The following PCDHGB6 variants were observed in gnomAD, a reference collection of about 807,000 sequenced individuals.
The protein encoded by PCDHGB6 is protocadherin gamma subfamily B, 6, also known as protocadherin gamma-B6.
PCDHGB6 carries 51 observed loss-of-function variants against 59.1 expected under a neutral mutation model. The ratio of observed to expected loss-of-function variants is 0.86; its 90% CI spans 0.69 to 1.09. The LOEUF (loss-of-function observed/expected upper bound fraction) is 1.09, where lower values mean the gene tolerates loss of function less well. Among genes scored for constraint, PCDHGB6 ranks in the 50% least tolerant of loss-of-function variants. PCDHGB6 has a pLI of 0.00. For missense variants in PCDHGB6, 1,148 were observed against 1,205.1 expected, an observed-to-expected ratio of 0.95 and a Z score of 0.70; for synonymous variants, 466 against 495.1, an observed-to-expected ratio of 0.94 and a Z score of 0.78.
At chr5:141,467,932 TA>T (rs1391978978) in intron 1 of PCDHGB6, among the ~76,000 whole-genome samples, 4 of 152,186 alleles carry the variant, frequency 2.6e-5, no homozygotes, top group Non-Finnish European at 4.4e-5. Flanking sequence ...ATGCTAGGAT[TA>T]CAAGCATGAG....
At chr5:141,417,648 T>A in intron 1 of PCDHGB6, 5 of 818,672 alleles carry the variant, frequency 6.1e-6, no homozygotes, top group Non-Finnish European at 9.1e-6. Flanking sequence ...TCCCTCAGCC[T>A]CTAGCCTGGG....
rs1248646625 is a variant in PCDHGB6 at position 141,409,149 on chromosome 5, C to T, written c.947C>T (p.Thr316Ile). Residue 316 changes from threonine to isoleucine, a missense_variant, in exon 1 of 4, where the codon ACC (threonine) becomes ATC (isoleucine). Thr to Ile is a moderately conservative substitution (Grantham distance 89). This residue lies in a region of PCDHGB6 where 549 missense variants were observed against 527.5 expected (regional missense o/e 1.04). Transcript: ENST00000520790. ...GATTTTGAAGATGTAGAAAGGTACA[C>T]CATGGAAGTGGAAGCGAAGGACGGA... ...SFDFEDVERY[T>I]MEVEAKDGGG... 1 of 1,613,948 alleles carries T rather than the reference C, an allele frequency of 6.2e-7. No homozygotes were observed. The highest frequency in any genetic ancestry group is 8.5e-7 in the Non-Finnish European group (1 of 1,179,888).
chr5:141,428,367 G>C, intron 1 of PCDHGB6: 1 of 546,792 alleles, frequency 1.8e-6, no homozygotes, highest in South Asian at 1.9e-5. Context: ...CGGTCGCCTT[G>C]CACCTGCGAT....
intron 1 of PCDHGB6, among the ~76,000 whole-genome samples, chr5:141,425,694 A>G (rs1006103007): frequency 6.6e-6 from 1 of 152,240 alleles, no homozygotes; most frequent in Non-Finnish European, 1.5e-5. Context: ...ATATCATTTC[A>G]TAGTGGTCAA....
At position 141,450,006 on chromosome 5, in the gene PCDHGB6, C is replaced by CTTTTT. The variant is rs1554136305; in HGVS notation, c.2418+39400_2418+39404dup. ...CACATTGCATTTAGTTGCCATGTCTCTTTTTTTTTTTTTTTTTTGAGACAG... is the reference window on the plus strand; with the variant it reads ...CACATTGCATTTAGTTGCCATGTCTCTTTTTTTTTTTTTTTTTTTTTTTGAGACAG... On this transcript the variant is annotated intron_variant, in intron 1 of 3. Transcript: ENST00000520790. Among the ~76,000 whole-genome samples the CTTTTT allele has an allele frequency of 3.4e-4, 45 of 132,908 alleles. 3 individuals carry two copies. Among genetic ancestry groups the CTTTTT allele is most frequent in the South Asian group, 7.1e-4 (3 of 4,236 alleles). 87.2% of individuals were successfully genotyped at this position (132,908 alleles called of 152,430 possible).
intron 1 of PCDHGB6, chr5:141,428,219 T>C (rs749413221): frequency 8.4e-7 from 1 of 1,195,778 alleles, no homozygotes. Context: ...CACCTAGTCT[T>C]CGCAGACAGC....
chr5:141,474,417 C>A (rs1321402346), intron 1 of PCDHGB6, among the ~76,000 whole-genome samples: 1 of 152,222 alleles, frequency 6.6e-6, no homozygotes, highest in African/African-American at 2.4e-5. Context: ...GATGCCTAGA[C>A]CATTGGTCCT....
intron 1 of PCDHGB6, chr5:141,413,354 C>T: frequency 6.2e-7 from 1 of 1,613,974 alleles, no homozygotes; most frequent in South Asian, 1.1e-5. Flanking sequence ...GGTCTGGCGC[C>T]CCGGGAGCTG....
intron 1 of PCDHGB6, chr5:141,423,723 T>C: frequency 8.5e-7 from 1 of 1,174,478 alleles, no homozygotes; most frequent in Non-Finnish European, 1.1e-6. Context: ...TAAGGAGATG[T>C]TTTTTGAGCC....
chr5:141,432,763 C>T lies in PCDHGB6; in HGVS notation c.2418+22143C>T. The T allele has an allele frequency of 6.2e-7, 1 of 1,614,152 alleles. No homozygotes were observed. The highest frequency in any genetic ancestry group is 8.5e-7 in the Non-Finnish European group (1 of 1,180,004). ...TCACCGTGGCCGTGGCCGACAGCAT[C>T]CCCCAAGTCCTGGCGGACCTCGGCA... On this transcript the variant is annotated intron_variant, in intron 1 of 3. Transcript: ENST00000520790. This position sits in a 1 kb window ranked among gnomAD's most constrained non-coding sequence, Gnocchi z 6.0.
chr5:141,505,381 C>T lies in PCDHGB6; in HGVS notation c.2478-12C>T. On this transcript the variant is annotated splice_polypyrimidine_tract_variant and intron_variant, in intron 2 of 3. Transcript: ENST00000520790. Reference sequence around the variant, plus strand: ...CTGGGAGTCTGTGCTCACCATCCTACTCTCTCCCCAGCTCCCAAAATGGCG... The same window carrying T: ...CTGGGAGTCTGTGCTCACCATCCTATTCTCTCCCCAGCTCCCAAAATGGCG... 1 of 1,614,064 alleles carries T rather than the reference C, an allele frequency of 6.2e-7. No homozygotes were observed.
At chr5:141,483,706 C>T (rs1187078630) in intron 1 of PCDHGB6, among the ~76,000 whole-genome samples, 1 of 151,926 alleles carries the variant, frequency 6.6e-6, no homozygotes, top group African/African-American at 2.4e-5. Context: ...CTTTTTGACA[C>T]CAGAATATTG....
intron 1 of PCDHGB6, chr5:141,415,794 A>C: frequency 7.3e-7 from 1 of 1,366,410 alleles, no homozygotes; most frequent in Non-Finnish European, 9.3e-7. Context: ...AAATTCACCT[A>C]GTCTCAATCA....
At chr5:141,462,152 G>C (rs1336635196) in intron 1 of PCDHGB6, among the ~76,000 whole-genome samples, 6 of 152,034 alleles carry the variant, frequency 3.9e-5, no homozygotes, top group African/African-American at 7.2e-5. Flanking sequence ...TAGAGATGGG[G>C]TTTCATCATG....
Position 141,490,198 on chromosome 5 carries a change from G to A in PCDHGB6, c.2419-4609G>A. ...GGAGTCACGTTTCTATGAAATTCAT[G>A]CAAGAGCCCGTGACCAGGGACAGCC... On this transcript the variant is annotated intron_variant, in intron 1 of 3. Coordinates refer to ENST00000520790, the MANE Select transcript of PCDHGB6 (RefSeq NM_018926.3). The surrounding 1 kb of genome is among the most constrained non-coding windows in gnomAD (Gnocchi z 5.4). The A allele has an allele frequency of 6.2e-7, 1 of 1,614,208 alleles. No homozygotes were observed. Among genetic ancestry groups the A allele is most frequent in the Non-Finnish European group, 8.5e-7 (1 of 1,180,038 alleles).
At chr5:141,475,448 G>C (rs774710049) in intron 1 of PCDHGB6, among the ~76,000 whole-genome samples, 1 of 152,214 alleles carries the variant, frequency 6.6e-6, no homozygotes, top group African/African-American at 2.4e-5. Context: ...CAGATAATGA[G>C]GAAGTGACAG....
Position 141,490,140 on chromosome 5 carries a change from G to T in PCDHGB6, c.2419-4667G>T. On this transcript the variant is annotated intron_variant, in intron 1 of 3. Transcript: ENST00000520790. This position sits in a 1 kb window ranked among gnomAD's most constrained non-coding sequence, Gnocchi z 5.4. Reference sequence around the variant, plus strand: ...TCTTTGGCCTAGACCCTAGCAGTGGGGCAATCCATGTGTTGGGTCCCATAG... The same window carrying T: ...TCTTTGGCCTAGACCCTAGCAGTGGTGCAATCCATGTGTTGGGTCCCATAG... 1 of 1,614,206 alleles carries T rather than the reference G, an allele frequency of 6.2e-7. No homozygotes were observed. The highest frequency in any genetic ancestry group is 8.5e-7 in the Non-Finnish European group (1 of 1,180,026).
chr5:141,511,342 C>T lies in PCDHGB6; in HGVS notation c.*169C>T. On this transcript the variant is annotated 3_prime_UTR_variant, in exon 4 of 4. Transcript: ENST00000520790. The stretch of plus-strand genomic sequence containing the variant: ...AACAAGTGCCCAGTCAGCACCTACC[C>T]CTTCCCCCCCAGGGGGTTGAATATG... The T allele has an allele frequency of 7.0e-7, 1 of 1,425,078 alleles. No individual in the cohort carries two copies. Among genetic ancestry groups the T allele is most frequent in the East Asian group, 2.5e-5 (1 of 40,014 alleles). 88.3% of individuals were successfully genotyped at this position (1,425,078 alleles called of 1,614,324 possible). A position where few individuals can be genotyped will look rare whatever the true frequency, so the allele number is the denominator to read the frequency against.
At chr5:141,418,549 C>A in intron 1 of PCDHGB6, 1 of 1,614,024 alleles carries the variant, frequency 6.2e-7, no homozygotes, top group Non-Finnish European at 8.5e-7. Context: ...AGATAAGAAT[C>A]CTGGTAATAG....
Sources: allele counts gnomAD v4.1 joint callset (sites outside exome capture counted in the v4.1 genomes callset), GRCh38; gene constraint gnomAD v4.1.1; regional missense constraint gnomAD v4.1.1; non-coding constraint Gnocchi (gnomAD v3.1); transcripts MANE v1.5; gene names NCBI Gene and HGNC (gene_info 2026-07-23, HGNC 2026-07-21).